KLF12: variants seen among roughly 807,000 people sequenced by gnomAD.
KLF12 encodes Krueppel-like factor 12.
Under a neutral mutation model 37.8 loss-of-function variants are expected in KLF12, and 9 were observed. The observed-to-expected ratio is 0.24, with a 90% CI of 0.14 to 0.42. The LOEUF (loss-of-function observed/expected upper bound fraction) is 0.42. Among genes scored for constraint, KLF12 ranks in the 10% least tolerant of loss-of-function variants. The pLI is 1.00. For synonymous variants in KLF12, 208 were observed against 202.1 expected (o/e 1.03, Z -0.25); for missense variants, 411 against 516.0 (o/e 0.80, Z 1.97).
chr13:73,851,321 G>C lies in KLF12; in HGVS notation c.124-4948C>G, dbSNP rs117480800. On this transcript the variant is annotated intron_variant, in intron 3 of 7. Coordinates refer to ENST00000377669, the MANE Select transcript of KLF12 (RefSeq NM_007249.5). ...TCATTGCGGAGGCACAGTGTTTACTGAACCAAATAAATACATGTTACAAAA... is the reference window on the plus strand; with the variant it reads ...TCATTGCGGAGGCACAGTGTTTACTCAACCAAATAAATACATGTTACAAAA... Among the ~76,000 whole-genome samples the C allele has an allele frequency of 1.3e-3, 205 of 152,260 alleles. 1 individual carries two copies. The highest frequency in any genetic ancestry group is 2.4e-3 in the Non-Finnish European group (164 of 68,006).
chr13:73,845,820 C>A lies in KLF12; in HGVS notation c.670+7G>T, dbSNP rs765014281. On this transcript the variant is annotated splice_region_variant and intron_variant, in intron 4 of 7. Transcript: ENST00000377669. ...GAAATAAATCAAGGCTTGTTTATGT[C>A]TCTTACCTTTGCCATGGCCTCTCCC... The A allele has an allele frequency of 6.2e-7, 1 of 1,610,404 alleles. No homozygotes were observed. Among genetic ancestry groups the A allele is most frequent in the Non-Finnish European group, 8.5e-7 (1 of 1,177,758 alleles).
intron 1 of KLF12, among the ~76,000 whole-genome samples, chr13:74,004,880 T>C (rs186298526): frequency 7.9e-4 from 120 of 151,944 alleles, no homozygotes; most frequent in Admixed American, 2.1e-3. Context: ...TTAGGATTAA[T>C]GAATGAAAAT....
chr13:73,981,317 C>T (rs373880831), intron 2 of KLF12, among the ~76,000 whole-genome samples: 3 of 152,084 alleles, frequency 2.0e-5, no homozygotes, highest in Non-Finnish European at 4.4e-5. Context: ...CACATTTAAA[C>T]GACTCTTCAT....
chr13:73,826,193 T>C (rs1163163009), intron 4 of KLF12, among the ~76,000 whole-genome samples: 1 of 152,006 alleles, frequency 6.6e-6, no homozygotes, highest in Non-Finnish European at 1.5e-5. Context: ...CAGGATTGTC[T>C]CTATCTCCTG....
intron 3 of KLF12, among the ~76,000 whole-genome samples, chr13:73,929,471 C>T (rs528057995): frequency 7.2e-5 from 11 of 152,158 alleles, no homozygotes; most frequent in South Asian, 4.1e-4. Flanking sequence ...ATCCACACAT[C>T]GTATCGCATA....
intron 1 of KLF12, among the ~76,000 whole-genome samples, chr13:74,063,003 G>A (rs1873695027): frequency 6.6e-6 from 1 of 152,196 alleles, no homozygotes; most frequent in African/African-American, 2.4e-5. Flanking sequence ...GCCCCAGCCG[G>A]TGTGAAATGG....
Position 73,994,985 on chromosome 13 carries a change from C to A in KLF12, c.33+5G>T, listed in dbSNP as rs766260653. On this transcript the variant is annotated splice_donor_5th_base_variant and intron_variant, in intron 2 of 7. Coordinates refer to ENST00000377669, the MANE Select transcript of KLF12 (RefSeq NM_007249.5). ...CAATGCAATTTTAACATCTGACTAA[C>A]CAACCTTTATTGTTTTTCTCTTCAT... 6.3e-7 allele frequency: 1 copy of A among 1,588,520 alleles called. No individual in the cohort carries two copies. Among genetic ancestry groups the A allele is most frequent in the Non-Finnish European group, 8.6e-7 (1 of 1,157,770 alleles).
In KLF12 at chr13:74,070,114, TG is replaced by T. The variant is rs1435376573; in HGVS notation, c.-32+63624del. Among the ~76,000 whole-genome samples, 14 of 152,222 alleles carry T rather than the reference TG, an allele frequency of 9.2e-5. No individual in the cohort carries two copies. The East Asian group carries it at 2.7e-3, about 29-fold the overall frequency. On this transcript the variant is annotated intron_variant, in intron 1 of 7. Transcript: ENST00000377669. ...CAAATAGAGAAACGAGGAAGACAGA[TG>T]AAACTCTTTCAAATGCCAAATTTAG...
At chr13:74,304,921 T>C in the KLF12 span, among the ~76,000 whole-genome samples, 1 of 152,124 alleles carries the variant, frequency 6.6e-6, no homozygotes. Flanking sequence ...CATTCCGCAT[T>C]GCCGAGGATA....
the KLF12 span, among the ~76,000 whole-genome samples, chr13:74,142,353 A>T: frequency 2.6e-5 from 4 of 152,226 alleles, no homozygotes; most frequent in Non-Finnish European, 5.9e-5. Context: ...TCATATTCAA[A>T]TGAGAGTGAA....
chr13:74,189,852 A>G, the KLF12 span, among the ~76,000 whole-genome samples: 1 of 152,212 alleles, frequency 6.6e-6, no homozygotes, highest in Non-Finnish European at 1.5e-5. Flanking sequence ...AAATTTTTTA[A>G]TGACTTAAAT....
chr13:73,991,072 A>G (rs79842801), intron 2 of KLF12, among the ~76,000 whole-genome samples: 2,858 of 152,248 alleles, frequency 0.019, 98 homozygotes, highest in African/African-American at 0.065. Flanking sequence ...ATCTCTGCAT[A>G]TCATTTTGTT....
intron 1 of KLF12, among the ~76,000 whole-genome samples, chr13:74,093,986 G>C (rs7333502): frequency 0.34 from 50,424 of 150,178 alleles, 8,849 homozygotes; most frequent in Middle Eastern, 0.46. Flanking sequence ...AAATACAATA[G>C]CTAGTTCATA....
chr13:73,692,047 A>G lies in KLF12; in HGVS notation c.*3443T>C, dbSNP rs1041475385. The G allele has an allele frequency of 6.6e-6, 1 of 152,474 alleles. No individual in the cohort carries two copies. Among genetic ancestry groups the G allele is most frequent in the African/African-American group, 2.4e-5 (1 of 41,412 alleles). The allele number at this position is 152,474 out of a possible 1,614,324, so 9.4% of individuals were successfully genotyped here. On this transcript the variant is annotated 3_prime_UTR_variant, in exon 8 of 8. Transcript: ENST00000377669. The stretch of plus-strand genomic sequence containing the variant: ...CTCATTTTTTTAAAAAATGTGGTTT[A>G]TGTTGCTGTTACTCAACTGCTTTTG...
At chr13:73,779,809 T>C (rs1262295683) in intron 5 of KLF12, among the ~76,000 whole-genome samples, 2 of 152,212 alleles carry the variant, frequency 1.3e-5, no homozygotes, top group Non-Finnish European at 2.9e-5. Flanking sequence ...AATTGAATTG[T>C]TGGACACGTT....
At chr13:74,291,565 A>G in the KLF12 span, among the ~76,000 whole-genome samples, 1 of 152,228 alleles carries the variant, frequency 6.6e-6, no homozygotes, top group Non-Finnish European at 1.5e-5. Context: ...AATCCAGTCC[A>G]CAGGCAGGGC....
At chr13:73,927,196 T>C (rs531517904) in intron 3 of KLF12, among the ~76,000 whole-genome samples, 4 of 152,258 alleles carry the variant, frequency 2.6e-5, no homozygotes, top group African/African-American at 9.6e-5. Flanking sequence ...GTTGCACCAT[T>C]GAGAAGGTGA....
chr13:74,303,894 T>C, the KLF12 span, among the ~76,000 whole-genome samples: 1 of 152,110 alleles, frequency 6.6e-6, no homozygotes, highest in African/African-American at 2.4e-5. Flanking sequence ...TAAGGACTTT[T>C]CTTAAGCAAT....
At chr13:74,205,186 T>C in the KLF12 span, among the ~76,000 whole-genome samples, 1,785 of 152,240 alleles carry the variant, frequency 0.012, 41 homozygotes, top group African/African-American at 0.041. Context: ...CATAGACTGA[T>C]AGCAAATTTG....
Sources: gnomAD v4.1 joint callset for allele counts (sites outside exome capture counted in the v4.1 genomes callset) on GRCh38, gnomAD v4.1.1 for gene constraint, MANE v1.5 for transcripts, NCBI Gene and HGNC (gene_info 2026-07-23, HGNC 2026-07-21) for gene names.